The following FAM120A variants were observed in gnomAD, a reference collection of about 807,000 sequenced individuals.
FAM120A encodes family with sequence similarity 120 member A, also known as constitutive coactivator of PPAR-gamma-like protein 1.
FAM120A carries 15 observed loss-of-function variants against 109.7 expected under a neutral mutation model. The observed-to-expected ratio is 0.14, with a 90% CI of 0.09 to 0.21. The LOEUF is 0.21. Among genes scored for constraint, FAM120A ranks in the 10% least tolerant of loss-of-function variants. The probability of loss-of-function intolerance (pLI) is 1.00; values close to 1 mark genes in which losing one functional copy is unlikely to be tolerated. For missense variants in FAM120A, 899 were observed against 1,439.3 expected (o/e 0.62, Z 6.07); for synonymous variants, 493 against 572.8 (o/e 0.86, Z 1.99).
intron 14 of FAM120A, 63 bp downstream of exon 14, chr9:93,558,073 G>T (rs1862354989): frequency 6.9e-7 from 1 of 1,441,406 alleles, no homozygotes; most frequent in Non-Finnish European, 9.2e-7. Context: ...AGAAAGTGCA[G>T]CCCTTATAGG....
intron 2 of FAM120A, among the ~76,000 whole-genome samples, chr9:93,475,148 T>G (rs990564227): frequency 2.0e-5 from 3 of 152,218 alleles, no homozygotes; most frequent in Non-Finnish European, 4.4e-5. Flanking sequence ...CAAGTCAGCA[T>G]GAAAGTCATT....
At chr9:93,560,536 TTTTG>T (rs1260325057) in intron 15 of FAM120A, among the ~76,000 whole-genome samples, 2 of 152,190 alleles carry the variant, frequency 1.3e-5, no homozygotes, top group Non-Finnish European at 2.9e-5. Context: ...GGGGCTCTGG[TTTTG>T]TTTGCTTATT....
chr9:93,469,489 A>G (rs1588793426), intron 1 of FAM120A, among the ~76,000 whole-genome samples: 1 of 152,222 alleles, frequency 6.6e-6, no homozygotes. Context: ...AGTAATTTCT[A>G]ATGATTTTAA....
chr9:93,479,090 A>ATT lies in FAM120A; in HGVS notation c.804+2777_804+2778dup, dbSNP rs11296612. 4.7e-3 allele frequency among the ~76,000 whole-genome samples: 382 copies of ATT among 81,622 alleles called. 28 individuals carry two copies. Among genetic ancestry groups the ATT allele is most frequent in the African/African-American group, 0.02 (369 of 18,860 alleles). 53.5% of individuals were successfully genotyped at this position (81,622 alleles called of 152,430 possible). A position where few individuals can be genotyped will look rare whatever the true frequency, so the allele number is the denominator to read the frequency against. ...GAGAGGTTTAAGATTAGGGTATTGC[A>ATT]TTTTTTTTTTTTTTTTTTTTTTTTT... is the stretch of plus-strand genomic sequence containing the variant. On this transcript the variant is annotated intron_variant, in intron 3 of 17. Transcript: ENST00000277165.
chr9:93,457,699 G>A (rs1037140681), intron 1 of FAM120A, among the ~76,000 whole-genome samples: 11 of 152,028 alleles, frequency 7.2e-5, no homozygotes, highest in Admixed American at 5.2e-4. Flanking sequence ...AATGCCAAGC[G>A]AAGGAAAACT....
chr9:93,523,344 T>C (rs1240742781), intron 7 of FAM120A: 1 of 1,288,846 alleles, frequency 7.8e-7, no homozygotes, highest in South Asian at 1.2e-5. Flanking sequence ...CGTGCTCTGC[T>C]CCAGGATCCT....
intron 8 of FAM120A, among the ~76,000 whole-genome samples, chr9:93,528,184 T>C (rs1861169585): frequency 6.6e-6 from 1 of 152,230 alleles, no homozygotes; most frequent in African/African-American, 2.4e-5. Context: ...TTCCAAAGCA[T>C]TTTGAGTTGT....
At position 93,564,517 on chromosome 9, in the gene FAM120A, G is replaced by T. The variant is rs750701798; in HGVS notation, c.3334G>T (p.Ala1112Ser). The change falls in exon 18 of 18, where the codon GCT becomes TCT. Residue 1112 changes from alanine (A) to serine (S), a missense_variant. By Grantham distance (99) the Ala-to-Ser change is moderately conservative. Transcript: ENST00000277165. ...ACRREAALEAAVLNKEE is the reference protein window; with the variant it reads ...ACRREAALEASVLNKEE ...CCGCAGAGAAGCTGCTCTGGAGGCA[G>T]CTGTCTTAAATAAAGAAGAGTAAAC... is the stretch of plus-strand genomic sequence containing the variant. The T allele has an allele frequency of 8.7e-6, 14 of 1,610,952 alleles. No individual in the cohort carries two copies. The South Asian group carries it at 1.5e-4, about 18-fold the overall frequency.
chr9:93,510,525 G>A (rs1417804271), intron 5 of FAM120A, among the ~76,000 whole-genome samples: 3 of 152,198 alleles, frequency 2.0e-5, no homozygotes, highest in Non-Finnish European at 4.4e-5. Flanking sequence ...CTTTTAGGTT[G>A]TGCTTTTCCA....
intron 5 of FAM120A, among the ~76,000 whole-genome samples, chr9:93,501,548 G>A (rs988585146): frequency 1.3e-5 from 2 of 152,168 alleles, no homozygotes; most frequent in African/African-American, 4.8e-5. Context: ...CTTAGGGTAG[G>A]CATGAACTGC....
chr9:93,555,168 C>T (rs1451136919), intron 12 of FAM120A, among the ~76,000 whole-genome samples: 4 of 151,960 alleles, frequency 2.6e-5, no homozygotes, highest in Admixed American at 2.6e-4. Context: ...CCAGCCCTAC[C>T]TGCCCCCAAG....
intron 3 of FAM120A, among the ~76,000 whole-genome samples, chr9:93,493,322 T>C (rs113697649): frequency 0.048 from 7,371 of 152,286 alleles, 237 homozygotes; most frequent in Non-Finnish European, 0.072. Flanking sequence ...AGATCAGAAA[T>C]GGTCTCTGTT....
At chr9:93,479,293 T>C (rs1858696125) in intron 3 of FAM120A, among the ~76,000 whole-genome samples, 1 of 151,744 alleles carries the variant, frequency 6.6e-6, no homozygotes, top group African/African-American at 2.4e-5. Context: ...AGAGACGGGG[T>C]TTCACCGTTT....
intron 1 of FAM120A, among the ~76,000 whole-genome samples, chr9:93,457,023 T>A (rs1857578519): frequency 6.6e-6 from 1 of 152,230 alleles, no homozygotes; most frequent in African/African-American, 2.4e-5. Context: ...TCACATAGCA[T>A]AATGTCTTCA....
At chr9:93,560,578 G>T (rs1862434673) in intron 15 of FAM120A, among the ~76,000 whole-genome samples, 1 of 152,154 alleles carries the variant, frequency 6.6e-6, no homozygotes, top group Admixed American at 6.5e-5. Context: ...AAGTTTTGCT[G>T]CCAATTAGCA....
intron 5 of FAM120A, among the ~76,000 whole-genome samples, chr9:93,512,336 G>C (rs1263221035): frequency 6.6e-6 from 1 of 152,198 alleles, no homozygotes; most frequent in African/African-American, 2.4e-5. Flanking sequence ...ATAGGCGTAA[G>C]TGAGTCCTTT....
intron 8 of FAM120A, among the ~76,000 whole-genome samples, chr9:93,528,792 A>T (rs1478889424): frequency 6.6e-6 from 1 of 151,686 alleles, no homozygotes; most frequent in Non-Finnish European, 1.5e-5. Context: ...ATGACTACAG[A>T]GAATGCTTGA....
In FAM120A at chr9:93,468,206, C is replaced by G. The variant is rs531975519; in HGVS notation, c.475-2935C>G. Among the ~76,000 whole-genome samples the G allele has an allele frequency of 8.9e-4, 136 of 152,276 alleles. 1 individual carries two copies. Among genetic ancestry groups the G allele is most frequent in the African/African-American group, 2.8e-3 (116 of 41,570 alleles). On this transcript the variant is annotated intron_variant, in intron 1 of 17. Transcript: ENST00000277165. Reference sequence around the variant, plus strand: ...GCTACCACCTTTGTTTTATGAGGTTCTACTGCATATTGGCCTGTACTGGAT... The same window carrying G: ...GCTACCACCTTTGTTTTATGAGGTTGTACTGCATATTGGCCTGTACTGGAT...
At chr9:93,472,208 C>T (rs979854972) in intron 2 of FAM120A, among the ~76,000 whole-genome samples, 7 of 151,522 alleles carry the variant, frequency 4.6e-5, no homozygotes, top group Non-Finnish European at 5.9e-5. Context: ...TGCAGTGATC[C>T]AAGATCGTGC....
Sources: gnomAD v4.1 joint callset for allele counts (sites outside exome capture counted in the v4.1 genomes callset) on GRCh38, gnomAD v4.1.1 for gene constraint, MANE v1.5 for transcripts, NCBI Gene and HGNC (gene_info 2026-07-23, HGNC 2026-07-21) for gene names.